Variants in CAGE1 observed in about 807,000 individuals in gnomAD.
CAGE1 encodes cancer-associated gene 1 protein.
CAGE1 carries 66 observed loss-of-function variants against 94.9 expected under a neutral mutation model. The ratio of observed to expected loss-of-function variants is 0.70; its 90% CI spans 0.57 to 0.85. CAGE1 has a LOEUF of 0.85. Among genes scored for constraint, CAGE1 ranks in the 40% least tolerant of loss-of-function variants. The pLI is 0.00. For synonymous variants in CAGE1, 319 were observed against 321.0 expected (o/e 0.99, Z 0.07); for missense variants, 865 against 950.4 (o/e 0.91, Z 1.18).
At chr6:7,355,912 G>A in intron 10 of CAGE1, 113 bp downstream of exon 10, 1 of 617,722 alleles carries the variant, frequency 1.6e-6, no homozygotes, top group Non-Finnish European at 2.8e-6. Flanking sequence ...CTGAGGCAAG[G>A]AGGCTTGCTT....
chr6:7,344,642 C>CCGCCT (rs942529679), intron 11 of CAGE1, among the ~76,000 whole-genome samples: 9 of 152,236 alleles, frequency 5.9e-5, no homozygotes, highest in African/African-American at 2.2e-4. Flanking sequence ...ACCTGCAGCC[C>CCGCCT]CGGTGCCGGA....
chr6:7,339,356 A>G lies in CAGE1; in HGVS notation c.2370-5266T>C. 1.2e-6 allele frequency: 2 copies of G among 1,609,140 alleles called. No homozygotes were observed. Among genetic ancestry groups the G allele is most frequent in the Non-Finnish European group, 1.7e-6 (2 of 1,176,082 alleles). On this transcript the variant is annotated intron_variant, in intron 11 of 13. Coordinates refer to ENST00000502583, the MANE Select transcript of CAGE1 (RefSeq NM_001170692.2). This position sits in a 1 kb window ranked among gnomAD's most constrained non-coding sequence, Gnocchi z 4.7. ...GAGAGCCAAACCTCTTCTGAACTAC[A>G]GCAGTCAGTTCCCGAATCCGCCGGC...
At position 7,355,063 on chromosome 6, in the gene CAGE1, T is replaced by C; in HGVS notation, c.2347A>G (p.Ile783Val). 3.1e-6 allele frequency: 5 copies of C among 1,610,006 alleles called. No individual in the cohort carries two copies. Among genetic ancestry groups the C allele is most frequent in the Non-Finnish European group, 4.2e-6 (5 of 1,177,720 alleles). The change falls in exon 11 of 14, where the codon ATA (isoleucine) becomes GTA (valine). Residue 783 changes from isoleucine to valine, a missense_variant. Physicochemically the swap from Ile to Val is conservative, Grantham distance 29. Coordinates refer to ENST00000502583, the MANE Select transcript of CAGE1 (RefSeq NM_001170692.2). ...TACTGTGCAATCTGGGAGTGGGATA[T>C]TGCAAGCCTTTGGTCAGCACATTCA... ...IIECADQRLAISHSQIAHLEE... is the reference protein window; with the variant it reads ...IIECADQRLAVSHSQIAHLEE...
At chr6:7,332,258 A>G (rs190067867) in intron 12 of CAGE1, among the ~76,000 whole-genome samples, 89 of 152,200 alleles carry the variant, frequency 5.8e-4, no homozygotes, top group Admixed American at 2.0e-3. Context: ...TCAGCTTGGC[A>G]ATTGGCTAAT....
chr6:7,385,409 C>G (rs1761088037), intron 3 of CAGE1, among the ~76,000 whole-genome samples: 1 of 152,038 alleles, frequency 6.6e-6, no homozygotes, highest in Admixed American at 6.6e-5. Context: ...CTCAAGCAAT[C>G]CTCCTGCCTT....
intron 9 of CAGE1, 63 bp from the exon 10 acceptor site, chr6:7,356,192 C>G: frequency 1.2e-6 from 1 of 859,718 alleles, no homozygotes; most frequent in Non-Finnish European, 1.9e-6. Context: ...TATATGGATG[C>G]CAAGAACAAA....
chr6:7,367,735 C>T (rs1483592579), intron 7 of CAGE1, among the ~76,000 whole-genome samples: 3 of 152,244 alleles, frequency 2.0e-5, no homozygotes, highest in Middle Eastern at 3.4e-3. Flanking sequence ...ACCCGCAACA[C>T]GTCAGTTCAG....
At chr6:7,326,948 A>G (rs771337702) in intron 13 of CAGE1, 49 bp from the exon 14 acceptor site, 4 of 1,448,046 alleles carry the variant, frequency 2.8e-6, no homozygotes, top group Middle Eastern at 1.8e-4. Flanking sequence ...AAAGACTAAC[A>G]TTCAGTGACA....
intron 3 of CAGE1, among the ~76,000 whole-genome samples, chr6:7,379,879 A>G (rs1341969553): frequency 1.3e-5 from 2 of 152,224 alleles, no homozygotes; most frequent in East Asian, 3.8e-4. Context: ...CTTAAGTTCC[A>G]TTTAGTAAAT....
At chr6:7,375,805 T>TA (rs1460577124) in intron 4 of CAGE1, among the ~76,000 whole-genome samples, 10 of 152,220 alleles carry the variant, frequency 6.6e-5, no homozygotes. Context: ...CAAGGACTTC[T>TA]GTATTTTGTT....
chr6:7,356,097 T>C lies in CAGE1; in HGVS notation c.2226A>G (p.Lys742=), dbSNP rs1403954364. Residue 742 remains lysine (K), a synonymous_variant, in exon 10 of 14, where the codon AAA becomes AAG. Transcript: ENST00000502583. ...ITKLGHLLES[K]ENHCNRLIEE... is the part of the protein sequence containing the mutation. ...CAATGAGTCTGTTGCAGTGGTTTTC[T>C]TTTGACTCTAGGAGATGTCCCAGTT... 1 of 1,550,148 alleles carries C rather than the reference T, an allele frequency of 6.5e-7. No homozygotes were observed. The highest frequency in any genetic ancestry group is 2.0e-5 in the Admixed American group (1 of 51,006).
intron 9 of CAGE1, among the ~76,000 whole-genome samples, chr6:7,365,238 A>T (rs1325391559): frequency 2.0e-5 from 3 of 152,234 alleles, no homozygotes; most frequent in Non-Finnish European, 4.4e-5. Flanking sequence ...TTGGAAGGAA[A>T]CAAATCTGAT....
intron 4 of CAGE1, among the ~76,000 whole-genome samples, chr6:7,376,214 C>T (rs1760737159): frequency 6.6e-6 from 1 of 151,644 alleles, no homozygotes; most frequent in African/African-American, 2.4e-5. Context: ...ACTGTGAAAC[C>T]CTGTCTCTAC....
chr6:7,358,748 G>A (rs1760067760), intron 9 of CAGE1, among the ~76,000 whole-genome samples: 1 of 152,156 alleles, frequency 6.6e-6, no homozygotes, highest in Non-Finnish European at 1.5e-5. Context: ...TGGAGGCTGA[G>A]GTGGGAGGCC....
At chr6:7,329,378 G>A (rs183073967) in intron 13 of CAGE1, 11 of 341,536 alleles carry the variant, frequency 3.2e-5, no homozygotes, top group Non-Finnish European at 4.7e-5. Flanking sequence ...TGGATAGGAG[G>A]GCTGGAGCCA....
At chr6:7,345,385 G>A (rs960689954) in intron 11 of CAGE1, among the ~76,000 whole-genome samples, 17 of 152,160 alleles carry the variant, frequency 1.1e-4, no homozygotes, top group Middle Eastern at 3.4e-3. Flanking sequence ...AGGAACAAAC[G>A]CCAGATGTGC....
chr6:7,329,327 A>C (rs533174440), intron 13 of CAGE1: 3 of 360,572 alleles, frequency 8.3e-6, no homozygotes, highest in African/African-American at 4.2e-5. Context: ...AGATGTGGCC[A>C]ATATGCATGA....
intron 9 of CAGE1, among the ~76,000 whole-genome samples, chr6:7,359,976 G>A (rs1289859497): frequency 6.6e-6 from 1 of 152,158 alleles, no homozygotes; most frequent in Non-Finnish European, 1.5e-5. Context: ...CAACAGGGCT[G>A]CGCTCCTTTC....
chr6:7,386,511 A>T (rs900078619), intron 2 of CAGE1, among the ~76,000 whole-genome samples: 4 of 152,232 alleles, frequency 2.6e-5, no homozygotes, highest in African/African-American at 9.6e-5. Flanking sequence ...ACTAGAAGTC[A>T]GGTTCCTTGG....
Sources: allele counts gnomAD v4.1 joint callset (sites outside exome capture counted in the v4.1 genomes callset), GRCh38; gene constraint gnomAD v4.1.1; non-coding constraint Gnocchi (gnomAD v3.1); transcripts MANE v1.5; gene names NCBI Gene and HGNC (gene_info 2026-07-23, HGNC 2026-07-21).